Variants in MACROD1 observed in about 807,000 individuals in gnomAD.
MACROD1 encodes ADP-ribose glycohydrolase MACROD1.
A neutral mutation model predicts 41.4 loss-of-function variants in MACROD1; 31 were observed. The observed-to-expected ratio is 0.75, with a 90% CI of 0.56 to 1.01. The LOEUF is 1.01. Ranked by LOEUF, MACROD1 falls within the 50% of genes least tolerant of loss-of-function variation. The pLI is 0.00. For missense variants in MACROD1, 473 were observed against 460.0 expected, an observed-to-expected ratio of 1.03 and a Z score of -0.26; for synonymous variants, 252 against 203.4, an observed-to-expected ratio of 1.24 and a Z score of -2.03.
At chr11:64,113,358 C>T (rs1299344955) in intron 3 of MACROD1, among the ~76,000 whole-genome samples, 1 of 152,060 alleles carries the variant, frequency 6.6e-6, no homozygotes, top group Admixed American at 6.6e-5. Context: ...CTGTTGGATG[C>T]ATGATGGATG....
At chr11:64,164,246 C>T (rs906888709) in intron 1 of MACROD1, among the ~76,000 whole-genome samples, 15 of 152,332 alleles carry the variant, frequency 9.8e-5, no homozygotes, top group Admixed American at 5.9e-4. Flanking sequence ...AATCCCACCT[C>T]GAAGCAAAAG....
intron 3 of MACROD1, among the ~76,000 whole-genome samples, chr11:64,050,606 C>T (rs1001123139): frequency 2.6e-5 from 4 of 152,328 alleles, no homozygotes; most frequent in Non-Finnish European, 4.4e-5. Flanking sequence ...GGCTGTCCAG[C>T]GGTGACCATG....
At chr11:64,159,698 GC>G (rs1945724572) in intron 1 of MACROD1, among the ~76,000 whole-genome samples, 1 of 151,976 alleles carries the variant, frequency 6.6e-6, no homozygotes, top group African/African-American at 2.4e-5. Flanking sequence ...GGAGGCTGAG[GC>G]AGGATAATTG....
chr11:63,999,171 C>T lies in MACROD1; in HGVS notation c.892-135G>A, dbSNP rs1427062784. 1.0e-5 allele frequency: 13 copies of T among 1,304,440 alleles called. No homozygotes were observed. In the Admixed American group the frequency reaches 1.5e-4, roughly 15 times the overall value. The allele number at this position is 1,304,440 out of a possible 1,614,324, so 80.8% of individuals were successfully genotyped here. ...GGAGGCTCACGGCTGTGTGCCATCACCCCCATCTCGCCACCGCCAGGCGCC... is the reference window on the plus strand; with the variant it reads ...GGAGGCTCACGGCTGTGTGCCATCATCCCCATCTCGCCACCGCCAGGCGCC... On this transcript the variant is annotated intron_variant, in intron 8 of 10. Transcript: ENST00000255681.
intron 4 of MACROD1, chr11:64,001,533 CCT>C (rs1565189725): frequency 2.8e-6 from 2 of 702,404 alleles, no homozygotes; most frequent in Admixed American, 2.0e-5. Context: ...AGCTCACACC[CCT>C]TTCTTTTGCT....
chr11:64,056,861 T>C (rs1323639395), intron 3 of MACROD1, among the ~76,000 whole-genome samples: 1 of 152,124 alleles, frequency 6.6e-6, no homozygotes, highest in Admixed American at 6.5e-5. Flanking sequence ...TCTAAACTCA[T>C]CTACACTCCC....
chr11:64,161,592 G>C (rs1945757053), intron 1 of MACROD1, among the ~76,000 whole-genome samples: 1 of 152,224 alleles, frequency 6.6e-6, no homozygotes, highest in African/African-American at 2.4e-5. Context: ...ATCAAAGGCA[G>C]AGTCCAGCTG....
chr11:63,999,865 C>T lies in MACROD1; in HGVS notation c.665-102G>A, dbSNP rs979429013. 1.1e-5 allele frequency: 14 copies of T among 1,320,050 alleles called. No homozygotes were observed. In the African/African-American group the frequency reaches 1.9e-4, roughly 18 times the overall value. The allele number at this position is 1,320,050 out of a possible 1,614,324, so 81.8% of individuals were successfully genotyped here. A position where few individuals can be genotyped will look rare whatever the true frequency, so the allele number is the denominator to read the frequency against. On this transcript the variant is annotated intron_variant, in intron 5 of 10. Coordinates refer to ENST00000255681, the MANE Select transcript of MACROD1 (RefSeq NM_014067.4). Reference sequence around the variant, plus strand: ...GCAGAAGGGGGCAGGAAACACCTTTCCCCCCAAGCGCTGAGCCTCCTCCGC... The same window carrying T: ...GCAGAAGGGGGCAGGAAACACCTTTTCCCCCAAGCGCTGAGCCTCCTCCGC...
intron 3 of MACROD1, among the ~76,000 whole-genome samples, chr11:64,145,960 AG>A (rs796859070): frequency 3.3e-5 from 5 of 152,194 alleles, no homozygotes; most frequent in African/African-American, 1.2e-4. Context: ...AGTAGAGACC[AG>A]GTTTCACCAT....
Position 64,064,083 on chromosome 11 carries a change from G to T in MACROD1, c.518-48802C>A, listed in dbSNP as rs1565215770. 6.6e-6 allele frequency among the ~76,000 whole-genome samples: 1 copy of T among 152,110 alleles called. No homozygotes were observed. The highest frequency in any genetic ancestry group is 2.4e-5 in the African/African-American group (1 of 41,414). On this transcript the variant is annotated intron_variant, in intron 3 of 10. Transcript: ENST00000255681. The surrounding 1 kb of genome is among the most constrained non-coding windows in gnomAD (Gnocchi z 4.5). ...ACAGCGACACCCACACAAACCCGAGGTCTCTCTCTCTGCGCCCCCTATCTC... is the reference window on the plus strand; with the variant it reads ...ACAGCGACACCCACACAAACCCGAGTTCTCTCTCTCTGCGCCCCCTATCTC...
intron 3 of MACROD1, among the ~76,000 whole-genome samples, chr11:64,018,444 T>C (rs886207337): frequency 2.0e-5 from 3 of 152,148 alleles, no homozygotes; most frequent in African/African-American, 7.2e-5. Flanking sequence ...TGGGCCAGGC[T>C]GTGCAGGGGA....
chr11:64,042,068 G>A (rs893637249), intron 3 of MACROD1, among the ~76,000 whole-genome samples: 1 of 152,054 alleles, frequency 6.6e-6, no homozygotes, highest in Non-Finnish European at 1.5e-5. Flanking sequence ...CAGGCCTGGA[G>A]CTGGCCACAG....
intron 3 of MACROD1, among the ~76,000 whole-genome samples, chr11:64,144,557 A>T (rs1275919255): frequency 2.0e-5 from 3 of 152,162 alleles, no homozygotes; most frequent in Non-Finnish European, 4.4e-5. Context: ...GCACATCCAG[A>T]GTGGCCAGGG....
intron 3 of MACROD1, among the ~76,000 whole-genome samples, chr11:64,050,738 C>A (rs1943677835): frequency 6.6e-6 from 1 of 152,246 alleles, no homozygotes; most frequent in African/African-American, 2.4e-5. Context: ...CCTGCCTCAG[C>A]CTCCTGAGTA....
At chr11:64,160,326 C>T (rs1945735302) in intron 1 of MACROD1, among the ~76,000 whole-genome samples, 1 of 152,160 alleles carries the variant, frequency 6.6e-6, no homozygotes, top group Non-Finnish European at 1.5e-5. Context: ...TTTTCAGACC[C>T]ACTGCCATTA....
At chr11:64,046,202 GC>G (rs1473127329) in intron 3 of MACROD1, among the ~76,000 whole-genome samples, 1 of 152,186 alleles carries the variant, frequency 6.6e-6, no homozygotes, top group Non-Finnish European at 1.5e-5. Context: ...CTCCAGAGCA[GC>G]CGACTCCCAC....
chr11:64,107,174 C>A (rs918090648), intron 3 of MACROD1, among the ~76,000 whole-genome samples: 10 of 152,096 alleles, frequency 6.6e-5, no homozygotes, highest in Non-Finnish European at 1.5e-4. Flanking sequence ...AGCCAACTTG[C>A]CCAGCCCACT....
chr11:64,087,767 C>A (rs754659781), intron 3 of MACROD1, among the ~76,000 whole-genome samples: 19 of 152,246 alleles, frequency 1.2e-4, no homozygotes, highest in Non-Finnish European at 2.9e-5. Flanking sequence ...ACGCTGTGCA[C>A]GTCTGAATGA....
chr11:64,004,417 T>G (rs1410926589), intron 4 of MACROD1, among the ~76,000 whole-genome samples: 2 of 152,180 alleles, frequency 1.3e-5, no homozygotes, highest in Non-Finnish European at 2.9e-5. Flanking sequence ...GATATTTAAA[T>G]TTATTCAGCA....
Sources: allele counts gnomAD v4.1 joint callset (sites outside exome capture counted in the v4.1 genomes callset), GRCh38; gene constraint gnomAD v4.1.1; non-coding constraint Gnocchi (gnomAD v3.1); transcripts MANE v1.5; gene names NCBI Gene and HGNC (gene_info 2026-07-23, HGNC 2026-07-21).